Variants in LRIF1 observed in about 807,000 individuals in gnomAD.
The protein encoded by LRIF1 is ligand-dependent nuclear receptor-interacting factor 1.
A neutral mutation model predicts 52.7 loss-of-function variants in LRIF1; 32 were observed. The ratio of observed to expected loss-of-function variants is 0.61; its 90% CI spans 0.46 to 0.82. The LOEUF (loss-of-function observed/expected upper bound fraction) is 0.82, where lower values mean the gene tolerates loss of function less well. Among genes scored for constraint, LRIF1 ranks in the 40% least tolerant of loss-of-function variants. The probability of loss-of-function intolerance (pLI) is 0.00; values close to 1 mark genes in which losing one functional copy is unlikely to be tolerated. For missense variants in LRIF1, 887 were observed against 892.0 expected (o/e 0.99, Z 0.07); for synonymous variants, 323 against 317.4 (o/e 1.02, Z -0.19).
chr1:110,894,416 C>G, the LRIF1 span: 2 of 1,598,186 alleles, frequency 1.3e-6, no homozygotes, highest in Non-Finnish European at 1.7e-6. Flanking sequence ...GTTATAAAGA[C>G]AACAACTTAT....
chr1:110,896,892 C>G, the LRIF1 span, among the ~76,000 whole-genome samples: 2 of 152,148 alleles, frequency 1.3e-5, no homozygotes, highest in African/African-American at 4.8e-5. Context: ...TTAGAAAAGT[C>G]AGAAAAACAT....
At chr1:110,888,165 A>C in the LRIF1 span, among the ~76,000 whole-genome samples, 1 of 152,224 alleles carries the variant, frequency 6.6e-6, no homozygotes, top group Non-Finnish European at 1.5e-5. Flanking sequence ...CCTAGCCAAC[A>C]ACCTGAATGT....
At chr1:110,890,159 G>C in the LRIF1 span, among the ~76,000 whole-genome samples, 8 of 152,058 alleles carry the variant, frequency 5.3e-5, no homozygotes, top group African/African-American at 1.9e-4. Flanking sequence ...CACTGGAAAA[G>C]GCATAATTTT....
the LRIF1 span, among the ~76,000 whole-genome samples, chr1:110,887,934 C>A: frequency 2.6e-5 from 4 of 152,090 alleles, no homozygotes; most frequent in African/African-American, 7.2e-5. Context: ...TCAAACATCT[C>A]GAAATGGGGT....
the LRIF1 span, among the ~76,000 whole-genome samples, chr1:110,908,562 G>C: frequency 6.6e-6 from 1 of 152,114 alleles, no homozygotes; most frequent in African/African-American, 2.4e-5. Context: ...CTGAACTTCT[G>C]AAATGAAAAA....
At chr1:110,883,232 T>G in the LRIF1 span, among the ~76,000 whole-genome samples, 1 of 152,006 alleles carries the variant, frequency 6.6e-6, no homozygotes, top group Non-Finnish European at 1.5e-5. Context: ...TAAGCGTTCT[T>G]CTATTCCTAG....
the LRIF1 span, among the ~76,000 whole-genome samples, chr1:110,928,471 A>T: frequency 6.6e-6 from 1 of 152,226 alleles, no homozygotes; most frequent in African/African-American, 2.4e-5. Flanking sequence ...ATTTATGTTC[A>T]GTGGTAATTC....
intron 1 of LRIF1, among the ~76,000 whole-genome samples, chr1:110,953,877 C>T (rs1234448841): frequency 1.3e-5 from 2 of 152,156 alleles, no homozygotes; most frequent in African/African-American, 4.8e-5. Flanking sequence ...GTCTTTCCTT[C>T]ATAATTAATC....
At chr1:110,916,450 A>G in the LRIF1 span, among the ~76,000 whole-genome samples, 1 of 152,304 alleles carries the variant, frequency 6.6e-6, no homozygotes, top group Admixed American at 6.5e-5. Flanking sequence ...GAAACAACAT[A>G]TAAAACTCAA....
the LRIF1 span, among the ~76,000 whole-genome samples, chr1:110,902,517 A>AAAAAAAAAAAAAAAAAAAAAAAG: frequency 2.2e-4 from 23 of 104,684 alleles, no homozygotes; most frequent in Admixed American, 3.7e-4. Context: ...AAAAAAAAAA[A>AAAAAAAAAAAAAAAAAAAAAAAG]AAAGAAATAC....
At chr1:110,932,493 A>C in the LRIF1 span, among the ~76,000 whole-genome samples, 1 of 152,172 alleles carries the variant, frequency 6.6e-6, no homozygotes, top group Non-Finnish European at 1.5e-5. Flanking sequence ...TGTGAACTTT[A>C]AAGTAGTTTT....
chr1:110,949,478 G>T (rs1468927966), intron 3 of LRIF1, among the ~76,000 whole-genome samples: 1 of 149,794 alleles, frequency 6.7e-6, no homozygotes, highest in Non-Finnish European at 1.5e-5. Flanking sequence ...GGAGTGCAAT[G>T]GTGCGATCTC....
chr1:110,962,291 C>A (rs985537239), intron 1 of LRIF1, among the ~76,000 whole-genome samples: 1 of 151,874 alleles, frequency 6.6e-6, no homozygotes, highest in Non-Finnish European at 1.5e-5. Flanking sequence ...CAAACTTCCA[C>A]CACAAAATTA....
At chr1:110,896,430 C>G in the LRIF1 span, among the ~76,000 whole-genome samples, 1 of 152,146 alleles carries the variant, frequency 6.6e-6, no homozygotes, top group Non-Finnish European at 1.5e-5. Context: ...TAAAATGTGA[C>G]TAGATTAAGC....
chr1:110,952,931 T>C, intron 1 of LRIF1, 116 bp from the exon 2 acceptor site: 1 of 600,422 alleles, frequency 1.7e-6, no homozygotes, highest in Non-Finnish European at 2.3e-6. Flanking sequence ...AATTTTCCAT[T>C]TTGAGTTTTT....
the LRIF1 span, among the ~76,000 whole-genome samples, chr1:110,885,800 G>A: frequency 1.4e-5 from 2 of 144,496 alleles, no homozygotes; most frequent in African/African-American, 2.6e-5. Flanking sequence ...AGAGGCGGAG[G>A]TTGCAGTGAG....
Position 110,951,614 on chromosome 1 carries a change from T to C in LRIF1, c.1270A>G (p.Met424Val), listed in dbSNP as rs769330377. ...IVLAKSKSSQ[M>V]ETKSLSNTQL... is the part of the protein sequence containing the mutation. ...GTATTGGAAAGTGATTTTGTCTCCA[T>C]CTGGGAAGATTTACTTTTAGCCAAA... is the stretch of plus-strand genomic sequence containing the variant. Residue 424 changes from methionine to valine, a missense_variant, in exon 2 of 4, where the codon ATG (methionine) becomes GTG (valine). Transcript: ENST00000369763. The C allele has an allele frequency of 6.2e-7, 1 of 1,614,014 alleles. No individual in the cohort carries two copies. Among genetic ancestry groups the C allele is most frequent in the African/African-American group, 1.3e-5 (1 of 74,938 alleles).
At chr1:110,906,774 G>A in the LRIF1 span, among the ~76,000 whole-genome samples, 35 of 151,728 alleles carry the variant, frequency 2.3e-4, no homozygotes, top group African/African-American at 7.0e-4. Context: ...ATTCAATGCA[G>A]TCTCAAAAAA....
the LRIF1 span, among the ~76,000 whole-genome samples, chr1:110,885,706 C>T: frequency 4.0e-5 from 6 of 150,392 alleles, no homozygotes; most frequent in African/African-American, 1.5e-4. Context: ...CTACTAAAAA[C>T]ACAAAAAATT....
Sources: allele counts gnomAD v4.1 joint callset (sites outside exome capture counted in the v4.1 genomes callset), GRCh38; gene constraint gnomAD v4.1.1; transcripts MANE v1.5; gene names NCBI Gene and HGNC (gene_info 2026-07-23, HGNC 2026-07-21).